Variants in CEP128 observed in about 807,000 individuals in gnomAD.
CEP128 encodes centrosomal protein 128kDa.
Under a neutral mutation model 156.7 loss-of-function variants are expected in CEP128, and 132 were observed. The ratio of observed to expected loss-of-function variants is 0.84; its 90% CI spans 0.73 to 0.97. CEP128 has a LOEUF of 0.97. CEP128 is among the 50% of genes least tolerant of loss of function. The probability of loss-of-function intolerance (pLI) is 0.00; values close to 1 mark genes in which losing one functional copy is unlikely to be tolerated. For missense variants in CEP128, 1,252 were observed against 1,281.9 expected (o/e 0.98, Z 0.36); for synonymous variants, 469 against 448.9 (o/e 1.04, Z -0.57).
intron 19 of CEP128, among the ~76,000 whole-genome samples, chr14:80,702,523 T>C (rs1484995710): frequency 1.3e-5 from 2 of 152,138 alleles, no homozygotes; most frequent in Non-Finnish European, 2.9e-5. Flanking sequence ...TGCATAAAAA[T>C]AGCAATTAAC....
At chr14:80,789,144 G>C (rs1461783465) in intron 14 of CEP128, among the ~76,000 whole-genome samples, 1 of 151,956 alleles carries the variant, frequency 6.6e-6, no homozygotes, top group East Asian at 1.9e-4. Context: ...ATATGAGGGA[G>C]AAGAAAGAAA....
intron 13 of CEP128, among the ~76,000 whole-genome samples, chr14:80,810,447 T>G (rs575970789): frequency 6.6e-6 from 1 of 152,040 alleles, no homozygotes; most frequent in Admixed American, 6.5e-5. Flanking sequence ...AATTCTCATA[T>G]TAAAACATAT....
chr14:80,813,214 T>C (rs1427568119), intron 13 of CEP128, among the ~76,000 whole-genome samples: 2 of 152,198 alleles, frequency 1.3e-5, no homozygotes, highest in Non-Finnish European at 2.9e-5. Flanking sequence ...TAGAAGTTCT[T>C]TAGTTAGATG....
chr14:80,497,731 C>T (rs1887554297), intron 24 of CEP128, 149 bp from the exon 25 acceptor site: 1 of 622,180 alleles, frequency 1.6e-6, no homozygotes, highest in South Asian at 1.9e-5. Context: ...GACCTCCAAG[C>T]TAAGAATAAA....
chr14:80,925,710 A>G (rs1594853894), intron 2 of CEP128, among the ~76,000 whole-genome samples: 1 of 152,126 alleles, frequency 6.6e-6, no homozygotes, highest in Admixed American at 6.6e-5. Context: ...CCAAGAAGCA[A>G]CACAGGAACT....
chr14:80,507,425 A>G (rs1888030174), intron 23 of CEP128, among the ~76,000 whole-genome samples: 1 of 152,224 alleles, frequency 6.6e-6, no homozygotes, highest in African/African-American at 2.4e-5. Context: ...TTGGGCAACT[A>G]GAGGCAGGTA....
At chr14:80,736,924 C>T (rs1474304379) in intron 19 of CEP128, among the ~76,000 whole-genome samples, 1 of 152,176 alleles carries the variant, frequency 6.6e-6, no homozygotes, top group Non-Finnish European at 1.5e-5. Flanking sequence ...TGTAGTTTAA[C>T]TTCAATCCCT....
intron 8 of CEP128, among the ~76,000 whole-genome samples, chr14:80,877,154 G>A (rs943995600): frequency 3.3e-5 from 5 of 151,766 alleles, no homozygotes; most frequent in Admixed American, 1.3e-4. Context: ...TAATCCCTAG[G>A]TTAACAAAGG....
chr14:80,586,602 C>T (rs1314567366), intron 19 of CEP128, among the ~76,000 whole-genome samples: 1 of 152,136 alleles, frequency 6.6e-6, no homozygotes, highest in Non-Finnish European at 1.5e-5. Context: ...AAGAAAACTT[C>T]ATTAAAGCAC....
chr14:80,913,820 T>C (rs967634521), intron 4 of CEP128, among the ~76,000 whole-genome samples: 2 of 152,170 alleles, frequency 1.3e-5, no homozygotes, highest in Non-Finnish European at 2.9e-5. Flanking sequence ...ATTGGGTACA[T>C]TGTACACTAT....
At chr14:80,631,690 G>A (rs781410737) in intron 19 of CEP128, among the ~76,000 whole-genome samples, 2 of 152,044 alleles carry the variant, frequency 1.3e-5, no homozygotes, top group African/African-American at 2.4e-5. Flanking sequence ...CAAAGTACCA[G>A]TCATTTATTC....
At chr14:80,939,836 T>G (rs2139629856) in intron 1 of CEP128, among the ~76,000 whole-genome samples, 1 of 152,320 alleles carries the variant, frequency 6.6e-6, no homozygotes, top group South Asian at 2.1e-4. Context: ...AAGTACTATG[T>G]ATGAGCATGT....
chr14:80,559,998 C>A (rs1201424848), intron 20 of CEP128, among the ~76,000 whole-genome samples: 1 of 152,186 alleles, frequency 6.6e-6, no homozygotes, highest in Non-Finnish European at 1.5e-5. Context: ...CCAGAGGTGA[C>A]ATCTATAAAC....
intron 9 of CEP128, among the ~76,000 whole-genome samples, chr14:80,848,396 G>A (rs1257780955): frequency 8.5e-5 from 13 of 152,054 alleles, no homozygotes; most frequent in Admixed American, 2.6e-4. Flanking sequence ...ATGGTGGCTC[G>A]TGCCTTTAAT....
At chr14:80,652,188 T>C (rs1440160329) in intron 19 of CEP128, among the ~76,000 whole-genome samples, 2 of 151,858 alleles carry the variant, frequency 1.3e-5, no homozygotes, top group African/African-American at 2.4e-5. Context: ...ATAAAAAAAT[T>C]AAATCAGGCT....
At chr14:80,667,601 G>T (rs923332570) in intron 19 of CEP128, among the ~76,000 whole-genome samples, 1 of 152,154 alleles carries the variant, frequency 6.6e-6, no homozygotes, top group African/African-American at 2.4e-5. Context: ...GCTCACGCCT[G>T]TAATCCCAGC....
In CEP128 at chr14:80,744,667, A is replaced by C. The variant is rs183818371; in HGVS notation, c.2614-1400T>G. On this transcript the variant is annotated intron_variant, in intron 18 of 24. Transcript: ENST00000555265. ...CTCCTCATTTCAGAAAAACACTGCCAAGAAAACAGGGTTTTCTCTTTCTCA... is the reference window on the plus strand; with the variant it reads ...CTCCTCATTTCAGAAAAACACTGCCCAGAAAACAGGGTTTTCTCTTTCTCA... Among the ~76,000 whole-genome samples the C allele has an allele frequency of 6.6e-5, 10 of 152,294 alleles. No homozygotes were observed. The East Asian group carries it at 7.7e-4, about 12-fold the overall frequency.
chr14:80,660,013 T>G (rs1895331622), intron 19 of CEP128, among the ~76,000 whole-genome samples: 1 of 152,176 alleles, frequency 6.6e-6, no homozygotes, highest in South Asian at 2.1e-4. Flanking sequence ...GTAAAGCCTG[T>G]GTTGACCAGG....
chr14:80,818,575 C>T (rs905954073), intron 13 of CEP128, among the ~76,000 whole-genome samples: 1 of 152,222 alleles, frequency 6.6e-6, no homozygotes, highest in Non-Finnish European at 1.5e-5. Flanking sequence ...AGAGGTAGCT[C>T]AAGTTTACAG....
Sources: allele counts gnomAD v4.1 joint callset (sites outside exome capture counted in the v4.1 genomes callset), GRCh38; gene constraint gnomAD v4.1.1; transcripts MANE v1.5; gene names NCBI Gene and HGNC (gene_info 2026-07-23, HGNC 2026-07-21).